VWA8: variants seen among roughly 807,000 people sequenced by gnomAD.
The protein encoded by VWA8 is von Willebrand factor A domain-containing protein 8.
VWA8 carries 221 observed loss-of-function variants against 241.5 expected under a neutral mutation model. The observed-to-expected ratio is 0.91, with a 90% CI of 0.82 to 1.02. VWA8 has a LOEUF of 1.02. Among genes scored for constraint, VWA8 ranks in the 50% least tolerant of loss-of-function variants. The probability of loss-of-function intolerance (pLI) is 0.00; values close to 1 mark genes in which losing one functional copy is unlikely to be tolerated. For missense variants in VWA8, 2,322 were observed against 2,328.7 expected, an observed-to-expected ratio of 1.00 and a Z score of 0.06; for synonymous variants, 852 against 827.1, an observed-to-expected ratio of 1.03 and a Z score of -0.52.
chr13:41,769,673 G>A (rs2045804954), intron 20 of VWA8, among the ~76,000 whole-genome samples: 1 of 152,146 alleles, frequency 6.6e-6, no homozygotes, highest in Non-Finnish European at 1.5e-5. Flanking sequence ...GAGCTTTGGA[G>A]ATCTAATACC....
At position 41,676,637 on chromosome 13, in the gene VWA8, T is replaced by C. The variant is rs571629110; in HGVS notation, c.4328-1341A>G. Reference sequence around the variant, plus strand: ...AAGTGTTCTGCTGTTTTTGTTTGTTTGTTTGTTTTTTGGAGACAGAGTCTC... The same window carrying C: ...AAGTGTTCTGCTGTTTTTGTTTGTTCGTTTGTTTTTTGGAGACAGAGTCTC... On this transcript the variant is annotated intron_variant, in intron 35 of 44. Transcript: ENST00000379310. 4.6e-5 allele frequency among the ~76,000 whole-genome samples: 7 copies of C among 152,264 alleles called. No individual in the cohort carries two copies. In the South Asian group the frequency reaches 1.0e-3, roughly 23 times the overall value.
At chr13:41,808,134 T>C (rs1870301876) in intron 17 of VWA8, among the ~76,000 whole-genome samples, 1 of 152,178 alleles carries the variant, frequency 6.6e-6, no homozygotes, top group South Asian at 2.1e-4. Context: ...TGAGACTCCA[T>C]ATTTAAAATC....
chr13:41,747,552 A>T (rs112397640), intron 21 of VWA8, among the ~76,000 whole-genome samples: 5,010 of 152,244 alleles, frequency 0.033, 274 homozygotes, highest in African/African-American at 0.11. Flanking sequence ...AAACAGGGAC[A>T]ATTTGACTTC....
At chr13:41,592,500 G>T (rs1317135448) in intron 40 of VWA8, among the ~76,000 whole-genome samples, 3 of 131,924 alleles carry the variant, frequency 2.3e-5, no homozygotes, top group Admixed American at 2.2e-4. Context: ...AAAATAAAAA[G>T]AAAAATTCAG....
intron 2 of VWA8, among the ~76,000 whole-genome samples, chr13:41,912,929 T>C (rs7990184): frequency 0.064 from 9,791 of 152,176 alleles, 397 homozygotes; most frequent in East Asian, 0.12. Context: ...AGTGAGTCCA[T>C]TCCTGGGTAT....
intron 7 of VWA8, 144 bp downstream of exon 7, chr13:41,886,637 A>C: frequency 1.5e-6 from 1 of 682,004 alleles, no homozygotes; most frequent in Non-Finnish European, 2.5e-6. Flanking sequence ...TATCTTATTA[A>C]TTTTATCACC....
chr13:41,863,225 C>T (rs1444308891), intron 12 of VWA8, among the ~76,000 whole-genome samples: 2 of 148,356 alleles, frequency 1.3e-5, no homozygotes, highest in Admixed American at 6.6e-5. Flanking sequence ...GTGCTGGATG[C>T]TTCCTGCCCT....
intron 17 of VWA8, among the ~76,000 whole-genome samples, chr13:41,793,629 T>C (rs1269361445): frequency 1.3e-5 from 2 of 152,048 alleles, no homozygotes; most frequent in African/African-American, 4.8e-5. Context: ...CTGGCCAACA[T>C]GGTGAAACCC....
At chr13:41,805,847 G>A (rs1870169515) in intron 17 of VWA8, among the ~76,000 whole-genome samples, 2 of 151,788 alleles carry the variant, frequency 1.3e-5, no homozygotes, top group South Asian at 4.2e-4. Context: ...AGAAATGTTG[G>A]ACTTAATCTG....
chr13:41,867,360 G>A (rs1433518613), intron 10 of VWA8, among the ~76,000 whole-genome samples: 1 of 152,106 alleles, frequency 6.6e-6, no homozygotes, highest in Non-Finnish European at 1.5e-5. Context: ...TAACTCGTCT[G>A]CCTCTATCCT....
intron 29 of VWA8, 57 bp from the exon 30 acceptor site, chr13:41,693,029 TA>T: frequency 1.2e-4 from 125 of 1,044,538 alleles, no homozygotes; most frequent in Middle Eastern, 4.8e-4. Flanking sequence ...TTTTTTTTTT[TA>T]AAGCAGCAAC....
chr13:41,899,010 G>A (rs570238650), intron 4 of VWA8, among the ~76,000 whole-genome samples: 1 of 152,364 alleles, frequency 6.6e-6, no homozygotes, highest in South Asian at 2.1e-4. Context: ...GCCTTGGCCA[G>A]CCCAGAAAGG....
chr13:41,741,802 C>A (rs759068978), intron 21 of VWA8, among the ~76,000 whole-genome samples: 3 of 152,186 alleles, frequency 2.0e-5, no homozygotes, highest in Non-Finnish European at 4.4e-5. Flanking sequence ...GGGAAGCTCA[C>A]ATGACACACA....
At chr13:41,744,108 C>T (rs981689855) in intron 21 of VWA8, among the ~76,000 whole-genome samples, 4 of 152,178 alleles carry the variant, frequency 2.6e-5, no homozygotes, top group African/African-American at 9.7e-5. Flanking sequence ...CTCTTGCTTC[C>T]AGGTGGGGTA....
At chr13:41,868,245 T>C (rs1254656553) in intron 10 of VWA8, 101 bp downstream of exon 10, 2 of 1,334,998 alleles carry the variant, frequency 1.5e-6, no homozygotes, top group African/African-American at 2.9e-5. Flanking sequence ...AGCAGTACTA[T>C]CAAGAGAGAA....
chr13:41,867,772 C>T (rs1414348080), intron 10 of VWA8, among the ~76,000 whole-genome samples: 1 of 152,044 alleles, frequency 6.6e-6, no homozygotes, highest in African/African-American at 2.4e-5. Context: ...CCCAGCTACT[C>T]AGGAGGCTAA....
rs115611537 is a variant in VWA8, at chr13:41,641,274, G to A, written c.4612-26190C>T. On this transcript the variant is annotated intron_variant, in intron 37 of 44. Coordinates refer to ENST00000379310, the MANE Select transcript of VWA8 (RefSeq NM_015058.2). Reference sequence around the variant, plus strand: ...TTTCTGGGAGAAAGGATGTCCTGGGGTAAACAACTAGAGCGAGAATTGCGG... The same window carrying A: ...TTTCTGGGAGAAAGGATGTCCTGGGATAAACAACTAGAGCGAGAATTGCGG... Among the ~76,000 whole-genome samples, 807 of 152,262 alleles carry A rather than the reference G, an allele frequency of 5.3e-3. 5 individuals are homozygous for A. Among genetic ancestry groups the A allele is most frequent in the African/African-American group, 0.019 (770 of 41,536 alleles).
At chr13:41,668,542 G>T (rs2045001881) in intron 37 of VWA8, among the ~76,000 whole-genome samples, 2 of 152,110 alleles carry the variant, frequency 1.3e-5, no homozygotes, top group Admixed American at 1.3e-4. Context: ...AGATCAAACA[G>T]AAAGGGAACT....
At chr13:41,640,905 A>C (rs1422389897) in intron 37 of VWA8, among the ~76,000 whole-genome samples, 2 of 152,214 alleles carry the variant, frequency 1.3e-5, no homozygotes, top group Admixed American at 6.5e-5. Context: ...ATTAAAGCAA[A>C]GTACCCAGAC....
Sources: gnomAD v4.1 joint callset for allele counts (sites outside exome capture counted in the v4.1 genomes callset) on GRCh38, gnomAD v4.1.1 for gene constraint, MANE v1.5 for transcripts, NCBI Gene and HGNC (gene_info 2026-07-23, HGNC 2026-07-21) for gene names.